DCP2: variants seen among roughly 807,000 people sequenced by gnomAD.
DCP2 encodes m7GpppN-mRNA hydrolase.
In DCP2, 30 loss-of-function variants were observed where a neutral mutation model predicts 56.1. That is an observed-to-expected ratio of 0.53 (90% CI 0.40 to 0.73). DCP2 has a LOEUF of 0.73. Ranked by LOEUF, DCP2 falls within the 30% of genes least tolerant of loss-of-function variation. DCP2 has a pLI of 0.00. For missense variants in DCP2, 533 were observed against 502.7 expected (o/e 1.06, Z -0.58); for synonymous variants, 197 against 163.3 (o/e 1.21, Z -1.57).
rs147292497 is a variant in DCP2 at position 112,987,878 on chromosome 5, G to A, written c.205+1892G>A. Among the ~76,000 whole-genome samples, 28 of 151,536 alleles carry A rather than the reference G, an allele frequency of 1.8e-4. 1 individual carries two copies. In the East Asian group the frequency reaches 3.9e-3, roughly 21 times the overall value. ...ATTTCTGGGCTTAAGCAGTCTTCCC[G>A]CATTTTTCCCAAGTAGCTGGGATTA... On this transcript the variant is annotated intron_variant, in intron 2 of 10. Coordinates refer to ENST00000389063, the MANE Select transcript of DCP2 (RefSeq NM_152624.6).
chr5:112,992,171 GT>G lies in DCP2; in HGVS notation c.260del (p.Leu87TrpfsTer28). On this transcript the variant is annotated frameshift_variant, in exon 3 of 11. Transcript: ENST00000389063. LOFTEE classifies it high-confidence loss of function. ...GCCTCAAGGTGAAGATGTGGAAAAAGTTTTGGATGAATGGAAGGAATATAAA... is the reference window on the plus strand; with the variant it reads ...GCCTCAAGGTGAAGATGTGGAAAAAGTTTGGATGAATGGAAGGAATATAAA... ...LLPQGEDVEK[V>X]LDEWKEYKMG... The G allele has an allele frequency of 6.2e-7, 1 of 1,613,968 alleles. No individual in the cohort carries two copies. The highest frequency in any genetic ancestry group is 8.5e-7 in the Non-Finnish European group (1 of 1,179,952).
intron 4 of DCP2, among the ~76,000 whole-genome samples, chr5:112,993,306 T>C (rs1748681191): frequency 6.6e-6 from 1 of 152,172 alleles, no homozygotes; most frequent in African/African-American, 2.4e-5. Flanking sequence ...ATTTTCTCTC[T>C]CTTGAACTTG....
At chr5:112,985,722 T>G (rs1339154640) in intron 1 of DCP2, 113 bp from the exon 2 acceptor site, 4 of 1,224,510 alleles carry the variant, frequency 3.3e-6, no homozygotes, top group Non-Finnish European at 4.6e-6. Context: ...TGAACAGTAC[T>G]GCTCTTGGTC....
At chr5:112,990,632 G>C (rs1417833702) in intron 2 of DCP2, among the ~76,000 whole-genome samples, 2 of 152,126 alleles carry the variant, frequency 1.3e-5, no homozygotes, top group Admixed American at 6.5e-5. Context: ...TGTAGGGACA[G>C]GGTCTTACTA....
chr5:112,981,233 C>T (rs759711838), intron 1 of DCP2, among the ~76,000 whole-genome samples: 31 of 152,070 alleles, frequency 2.0e-4, no homozygotes, highest in Non-Finnish European at 4.4e-4. Flanking sequence ...CTCAAACGTA[C>T]TTGTAGCCTC....
At chr5:112,978,131 C>G (rs1747809527) in intron 1 of DCP2, among the ~76,000 whole-genome samples, 1 of 152,134 alleles carries the variant, frequency 6.6e-6, no homozygotes, top group Non-Finnish European at 1.5e-5. Context: ...CACCCGCCAC[C>G]ACACCCGGCT....
chr5:112,998,201 T>C (rs1420409618), intron 4 of DCP2, among the ~76,000 whole-genome samples: 5 of 152,236 alleles, frequency 3.3e-5, no homozygotes, highest in Non-Finnish European at 5.9e-5. Context: ...TCTACCTCTT[T>C]TAGTGCTGGT....
At chr5:112,981,162 C>G (rs1747986069) in intron 1 of DCP2, among the ~76,000 whole-genome samples, 1 of 152,070 alleles carries the variant, frequency 6.6e-6, no homozygotes. Context: ...GCATGTACCA[C>G]CATGCCCAGG....
At chr5:113,005,539 C>T (rs553183809) in intron 8 of DCP2, among the ~76,000 whole-genome samples, 1 of 152,272 alleles carries the variant, frequency 6.6e-6, no homozygotes, top group South Asian at 2.1e-4. Flanking sequence ...AACTGGAGAC[C>T]TTGTGCATTG....
At chr5:112,998,404 C>T (rs1422649630) in intron 4 of DCP2, among the ~76,000 whole-genome samples, 3 of 152,212 alleles carry the variant, frequency 2.0e-5, no homozygotes, top group African/African-American at 7.2e-5. Context: ...AAGACCATCC[C>T]CCAACTCTCA....
Position 113,007,959 on chromosome 5 carries a change from G to T in DCP2, c.964G>T (p.Gly322Cys), listed in dbSNP as rs987034873. Reference sequence around the variant, plus strand: ...ACAGAATCAAAGTATGAGGGGAAATGGCAGAAAACAGTATCAAGATTCACC... The same window carrying T: ...ACAGAATCAAAGTATGAGGGGAAATTGCAGAAAACAGTATCAAGATTCACC... ...KGKNQSMRGNGRKQYQDSPNQ... is the reference protein window; with the variant it reads ...KGKNQSMRGNCRKQYQDSPNQ... Residue 322 changes from glycine (G) to cysteine (C), a missense_variant, in exon 9 of 11, where the codon GGC (glycine) becomes TGC (cysteine). Transcript: ENST00000389063. The T allele has an allele frequency of 6.2e-7, 1 of 1,613,598 alleles. No homozygotes were observed. The highest frequency in any genetic ancestry group is 1.3e-5 in the African/African-American group (1 of 74,992).
chr5:112,995,228 C>T (rs1024190081), intron 4 of DCP2, among the ~76,000 whole-genome samples: 11 of 152,158 alleles, frequency 7.2e-5, no homozygotes, highest in African/African-American at 2.7e-4. Context: ...GGTTAATACA[C>T]AACTCTTAAA....
intron 4 of DCP2, 145 bp downstream of exon 4, chr5:112,992,915 A>T (rs545329292): frequency 2.7e-4 from 110 of 413,804 alleles, no homozygotes; most frequent in East Asian, 5.4e-4. Context: ...TTTTTTTTTT[A>T]AATCACTGTT....
intron 2 of DCP2, among the ~76,000 whole-genome samples, chr5:112,990,834 A>G: frequency 6.6e-6 from 1 of 152,170 alleles, no homozygotes; most frequent in Non-Finnish European, 1.5e-5. Context: ...TTTAAATTAC[A>G]GAATTGTAGA....
rs932020804 is a variant in DCP2, at chr5:112,993,652, A to C, written c.432+882A>C. On this transcript the variant is annotated intron_variant, in intron 4 of 10. Coordinates refer to ENST00000389063, the MANE Select transcript of DCP2 (RefSeq NM_152624.6). ...AAAAAAAAAAAAACCAAAAAAAAAAAACCAAAATTTTTTTTACTGTTATTT... is the reference window on the plus strand; with the variant it reads ...AAAAAAAAAAAAACCAAAAAAAAAACACCAAAATTTTTTTTACTGTTATTT... Among the ~76,000 whole-genome samples, 12 of 126,812 alleles carry C rather than the reference A, an allele frequency of 9.5e-5. No homozygotes were observed. The East Asian group carries it at 1.9e-3, about 20-fold the overall frequency. 83.2% of individuals were successfully genotyped at this position (126,812 alleles called of 152,430 possible). A position where few individuals can be genotyped will look rare whatever the true frequency, so the allele number is the denominator to read the frequency against.
intron 4 of DCP2, among the ~76,000 whole-genome samples, chr5:112,997,208 C>T (rs527402870): frequency 2.7e-4 from 41 of 152,214 alleles, no homozygotes; most frequent in African/African-American, 8.9e-4. Context: ...TCTGTTGGGG[C>T]CTAGTGTGGG....
At position 113,004,056 on chromosome 5, in the gene DCP2, G is replaced by A. The variant is rs1749303151; in HGVS notation, c.921G>A (p.Met307Ile). 6.2e-7 allele frequency: 1 copy of A among 1,613,868 alleles called. No homozygotes were observed. Among genetic ancestry groups the A allele is most frequent in the Non-Finnish European group, 8.5e-7 (1 of 1,179,934 alleles). ...QQKPYNNHSE[M>I]SDLLKGKNQS... Reference sequence around the variant, plus strand: ...AGCCATATAATAATCATTCTGAAATGTCTGACCTTTTAAAAGGAAAGGTGA... The same window carrying A: ...AGCCATATAATAATCATTCTGAAATATCTGACCTTTTAAAAGGAAAGGTGA... Residue 307 changes from methionine to isoleucine, a missense_variant, in exon 8 of 11, where the codon ATG (methionine) becomes ATA (isoleucine). Coordinates refer to ENST00000389063, the MANE Select transcript of DCP2 (RefSeq NM_152624.6).
chr5:113,005,872 C>T (rs1213001387), intron 8 of DCP2, among the ~76,000 whole-genome samples: 3 of 152,176 alleles, frequency 2.0e-5, no homozygotes, highest in African/African-American at 4.8e-5. Context: ...GGGGCTCATA[C>T]CTGTAATCCC....
At position 113,018,195 on chromosome 5, in the gene DCP2, A is replaced by C. The variant is rs1749967817; in HGVS notation, c.*4711A>C. ...GAAATAGTCTTAAAATAGGGAAAAG[A>C]GTGAAAGTTACTCTTATGCATGGGA... is the stretch of plus-strand genomic sequence containing the variant. On this transcript the variant is annotated 3_prime_UTR_variant, in exon 11 of 11. Transcript: ENST00000389063. 6.6e-6 allele frequency: 1 copy of C among 152,248 alleles called. No individual in the cohort carries two copies. Among genetic ancestry groups the C allele is most frequent in the African/African-American group, 2.4e-5 (1 of 41,456 alleles). 9.4% of individuals were successfully genotyped at this position (152,248 alleles called of 1,614,324 possible). A position where few individuals can be genotyped will look rare whatever the true frequency, so the allele number is the denominator to read the frequency against.
Sources: gnomAD v4.1 joint callset for allele counts (sites outside exome capture counted in the v4.1 genomes callset) on GRCh38, gnomAD v4.1.1 for gene constraint, MANE v1.5 for transcripts, NCBI Gene and HGNC (gene_info 2026-07-23, HGNC 2026-07-21) for gene names.